The following SASH1 variants were observed in gnomAD, a reference collection of about 807,000 sequenced individuals.
SASH1 encodes SAM and SH3 domain-containing protein 1.
In SASH1, 44 loss-of-function variants were observed where a neutral mutation model predicts 125.2. That is an observed-to-expected ratio of 0.35 (90% CI 0.28 to 0.45). The LOEUF is 0.45. Among genes scored for constraint, SASH1 ranks in the 20% least tolerant of loss-of-function variants. SASH1 has a pLI of 1.00. For missense variants in SASH1, 1,426 were observed against 1,614.5 expected, an observed-to-expected ratio of 0.88 and a Z score of 2.00; for synonymous variants, 639 against 649.1, an observed-to-expected ratio of 0.98 and a Z score of 0.24.
At chr6:148,419,607 A>G (rs144738821) in intron 2 of SASH1, among the ~76,000 whole-genome samples, 313 of 152,300 alleles carry the variant, frequency 2.1e-3, no homozygotes, top group African/African-American at 3.9e-3. Context: ...AGCCACATCA[A>G]TCATTGTGTT....
chr6:148,420,356 TA>T (rs1173451095), intron 2 of SASH1, among the ~76,000 whole-genome samples: 1 of 151,934 alleles, frequency 6.6e-6, no homozygotes, highest in African/African-American at 2.4e-5. Context: ...TCAGAAGGCT[TA>T]AAAAAAATAA....
chr6:148,468,622 T>C, intron 5 of SASH1, 37 bp downstream of exon 5: 1 of 1,340,008 alleles, frequency 7.5e-7, no homozygotes, highest in Non-Finnish European at 1.1e-6. Context: ...TATTTAATTA[T>C]TTCAATACTT....
chr6:148,493,869 A>T (rs1174323637), intron 8 of SASH1, among the ~76,000 whole-genome samples: 1 of 152,180 alleles, frequency 6.6e-6, no homozygotes, highest in Admixed American at 6.5e-5. Flanking sequence ...GCTTAGCTCG[A>T]TTTCTTATTA....
At chr6:148,534,623 T>C (rs926639484) in intron 15 of SASH1, 128 bp from the exon 16 acceptor site, 2 of 893,096 alleles carry the variant, frequency 2.2e-6, no homozygotes, top group Non-Finnish European at 3.7e-6. Flanking sequence ...CAAATGATAC[T>C]TACTAATCTT....
chr6:148,440,492 T>C lies in SASH1; in HGVS notation c.386+85T>C, dbSNP rs965002788. 4.5e-6 allele frequency: 5 copies of C among 1,109,936 alleles called. No homozygotes were observed. The East Asian group carries it at 9.4e-5, about 21-fold the overall frequency. 68.8% of individuals were successfully genotyped at this position (1,109,936 alleles called of 1,614,324 possible). A position where few individuals can be genotyped will look rare whatever the true frequency, so the allele number is the denominator to read the frequency against. The stretch of plus-strand genomic sequence containing the variant: ...CTGACGGAAATCAAACAGGCGATCA[T>C]GTGCGTATGTACTATGGAGTTATGC... On this transcript the variant is annotated intron_variant, in intron 4 of 19. Coordinates refer to ENST00000367467, the MANE Select transcript of SASH1 (RefSeq NM_015278.5).
chr6:148,529,336 C>T lies in SASH1; in HGVS notation c.1428+1740C>T, dbSNP rs191091247. On this transcript the variant is annotated intron_variant, in intron 12 of 19. Coordinates refer to ENST00000367467, the MANE Select transcript of SASH1 (RefSeq NM_015278.5). The surrounding 1 kb of genome is among the most constrained non-coding windows in gnomAD (Gnocchi z 4.2). ...ATGATCAGTGCTCAGGCTGAGAAAC[C>T]GTGGCTTGTTAGACCTGCAGGAGAT... Among the ~76,000 whole-genome samples the T allele has an allele frequency of 2.0e-5, 3 of 152,302 alleles. No homozygotes were observed. Among genetic ancestry groups the T allele is most frequent in the East Asian group, 3.9e-4 (2 of 5,180 alleles).
chr6:148,539,539 C>G (rs1490857124), intron 16 of SASH1, among the ~76,000 whole-genome samples: 1 of 152,158 alleles, frequency 6.6e-6, no homozygotes, highest in Non-Finnish European at 1.5e-5. Flanking sequence ...TTATTTCTTT[C>G]CTTTTCATGG....
the SASH1 span, among the ~76,000 whole-genome samples, chr6:148,219,196 C>T: frequency 6.6e-6 from 1 of 152,172 alleles, no homozygotes; most frequent in Non-Finnish European, 1.5e-5. Flanking sequence ...CTAGGTTCTC[C>T]ATCTCCCTCA....
chr6:148,505,130 C>A (rs1779728676), intron 8 of SASH1, among the ~76,000 whole-genome samples: 1 of 152,218 alleles, frequency 6.6e-6, no homozygotes, highest in African/African-American at 2.4e-5. Flanking sequence ...GGAGGCTTCT[C>A]ACTGCCTATC....
the SASH1 span, among the ~76,000 whole-genome samples, chr6:148,259,893 T>C: frequency 2.0e-5 from 3 of 152,172 alleles, no homozygotes; most frequent in African/African-American, 7.2e-5. Flanking sequence ...ATTTATTTAT[T>C]TACTTTTTAA....
At chr6:148,243,170 G>A in the SASH1 span, among the ~76,000 whole-genome samples, 1 of 152,090 alleles carries the variant, frequency 6.6e-6, no homozygotes, top group Non-Finnish European at 1.5e-5. Flanking sequence ...ACAAAAATTG[G>A]CCAGGCACGG....
chr6:148,256,496 C>T, the SASH1 span, among the ~76,000 whole-genome samples: 13 of 152,118 alleles, frequency 8.5e-5, no homozygotes, highest in South Asian at 4.1e-4. Flanking sequence ...TTGATGAATG[C>T]ACATCTGTAG....
chr6:148,441,739 GA>G (rs1212707113), intron 4 of SASH1, among the ~76,000 whole-genome samples: 2 of 152,162 alleles, frequency 1.3e-5, no homozygotes. Flanking sequence ...CTCCTAAGAG[GA>G]AGTGACTCAC....
the SASH1 span, among the ~76,000 whole-genome samples, chr6:148,250,482 A>G: frequency 2.0e-5 from 3 of 151,580 alleles, no homozygotes; most frequent in Non-Finnish European, 4.4e-5. Flanking sequence ...TTGAGAGAAG[A>G]GTGCTGTGAT....
the SASH1 span, among the ~76,000 whole-genome samples, chr6:148,215,233 A>G: frequency 6.6e-6 from 1 of 152,208 alleles, no homozygotes; most frequent in South Asian, 2.1e-4. Context: ...GCCTAAAACC[A>G]CCTGTCTTAT....
In SASH1 at chr6:148,526,916, A is replaced by C. The variant is rs557086004; in HGVS notation, c.1285-537A>C. Reference sequence around the variant, plus strand: ...GAGAGGGAGTCTCACTCTGTCGCCCAGGCTGGAGTGCAGTGACGCGATCTC... The same window carrying C: ...GAGAGGGAGTCTCACTCTGTCGCCCCGGCTGGAGTGCAGTGACGCGATCTC... On this transcript the variant is annotated intron_variant, in intron 11 of 19. Transcript: ENST00000367467. 3.9e-3 allele frequency among the ~76,000 whole-genome samples: 566 copies of C among 145,562 alleles called. 7 individuals carry two copies. The highest frequency in any genetic ancestry group is 0.014 in the African/African-American group (542 of 38,860).
the SASH1 span, among the ~76,000 whole-genome samples, chr6:148,260,594 A>G: frequency 6.6e-6 from 1 of 151,010 alleles, no homozygotes; most frequent in Admixed American, 6.6e-5. Context: ...CAACAAAGCA[A>G]GACCCTGTCT....
chr6:148,407,214 G>A (rs1175909739), intron 2 of SASH1, among the ~76,000 whole-genome samples: 2 of 152,120 alleles, frequency 1.3e-5, no homozygotes, highest in African/African-American at 2.4e-5. Context: ...CTGAAACCCT[G>A]TGCCTATTAA....
chr6:148,266,954 TAGTAGGAGCC>T, the SASH1 span, among the ~76,000 whole-genome samples: 1 of 152,022 alleles, frequency 6.6e-6, no homozygotes, highest in South Asian at 2.1e-4. Context: ...GCCGGAGAGC[TAGTAGGAGCC>T]AGGGCACATA....
Sources: allele counts gnomAD v4.1 joint callset (sites outside exome capture counted in the v4.1 genomes callset), GRCh38; gene constraint gnomAD v4.1.1; non-coding constraint Gnocchi (gnomAD v3.1); transcripts MANE v1.5; gene names NCBI Gene and HGNC (gene_info 2026-07-23, HGNC 2026-07-21).